LMF1: variants seen among roughly 807,000 people sequenced by gnomAD.
LMF1 encodes the protein lipase maturation factor 1.
Under a neutral mutation model 60.6 loss-of-function variants are expected in LMF1, and 68 were observed. The ratio of observed to expected loss-of-function variants is 1.12; its 90% CI spans 0.92 to 1.37. The LOEUF (loss-of-function observed/expected upper bound fraction) is 1.37. LMF1 is among the 40% of genes most tolerant of loss of function. The pLI, the probability that LMF1 is intolerant of heterozygous loss-of-function variation, is 0.00. For synonymous variants in LMF1, 418 were observed against 324.7 expected, an observed-to-expected ratio of 1.29 and a Z score of -3.09; for missense variants, 948 against 767.2, an observed-to-expected ratio of 1.24 and a Z score of -2.78.
At chr16:888,502 GGAGA>G (rs1354023597) in intron 5 of LMF1, among the ~76,000 whole-genome samples, 3 of 151,968 alleles carry the variant, frequency 2.0e-5, no homozygotes, top group African/African-American at 7.3e-5. Flanking sequence ...AAACCCAAGT[GGAGA>G]GAGAGGACAG....
chr16:898,096 T>C (rs1243403709), intron 4 of LMF1, among the ~76,000 whole-genome samples: 1 of 152,206 alleles, frequency 6.6e-6, no homozygotes, highest in Non-Finnish European at 1.5e-5. Context: ...AGGGTCTCCA[T>C]GGCTCCTGAT....
At chr16:880,253 C>T (rs796502740) in intron 5 of LMF1, among the ~76,000 whole-genome samples, 24 of 151,744 alleles carry the variant, frequency 1.6e-4, no homozygotes, top group African/African-American at 4.9e-4. Flanking sequence ...AGGCTCTAAG[C>T]GCAAGACCTG....
chr16:876,117 C>A (rs1767065349), intron 6 of LMF1, among the ~76,000 whole-genome samples: 1 of 152,276 alleles, frequency 6.6e-6, no homozygotes, highest in African/African-American at 2.4e-5. Flanking sequence ...GGGGCTCCGT[C>A]TGTTGCCCTT....
In LMF1 at chr16:964,321, GA is replaced by G. The variant is rs972513501; in HGVS notation, c.193+6466del. ...AAAAAAAAAAAAAAAAAAAGAATCAGAAAAAAAAAATCAGCTTTCTCTTTTC... is the reference window on the plus strand; with the variant it reads ...AAAAAAAAAAAAAAAAAAAGAATCAGAAAAAAAAATCAGCTTTCTCTTTTC... On this transcript the variant is annotated intron_variant, in intron 1 of 10. Transcript: ENST00000262301. Among the ~76,000 whole-genome samples the G allele has an allele frequency of 1.3e-4, 18 of 143,158 alleles. No individual in the cohort carries two copies. In the East Asian group the frequency reaches 2.0e-3, roughly 16 times the overall value. The allele number at this position is 143,158 out of a possible 152,430, so 93.9% of individuals were successfully genotyped here. A position where few individuals can be genotyped will look rare whatever the true frequency, so the allele number is the denominator to read the frequency against.
At chr16:952,422 C>T (rs1271717857) in intron 2 of LMF1, among the ~76,000 whole-genome samples, 1 of 152,054 alleles carries the variant, frequency 6.6e-6, no homozygotes, top group African/African-American at 2.4e-5. Context: ...GACCAGGGAA[C>T]ACCGGAGCCA....
intron 3 of LMF1, among the ~76,000 whole-genome samples, chr16:912,154 T>C (rs12600110): frequency 0.51 from 77,012 of 152,070 alleles, 22,157 homozygotes; most frequent in African/African-American, 0.79. Flanking sequence ...AACGATCACA[T>C]GACTCACACC....
At chr16:889,582 C>T (rs1328949172) in intron 5 of LMF1, among the ~76,000 whole-genome samples, 3 of 152,176 alleles carry the variant, frequency 2.0e-5, no homozygotes, top group Non-Finnish European at 4.4e-5. Flanking sequence ...GCGTCCCCTA[C>T]AGCATAGGGG....
chr16:862,202 G>A lies in LMF1; in HGVS notation c.1529+6742C>T, dbSNP rs1489875940. 8.0e-5 allele frequency among the ~76,000 whole-genome samples: 12 copies of A among 149,676 alleles called. No homozygotes were observed. The East Asian group carries it at 2.3e-3, about 29-fold the overall frequency. ...ATTTTTTTTTTTTTTTTGAGGCAGAGTCTCACTCTGTTGCCGAGGCTGGAG... is the reference window on the plus strand; with the variant it reads ...ATTTTTTTTTTTTTTTTGAGGCAGAATCTCACTCTGTTGCCGAGGCTGGAG... On this transcript the variant is annotated intron_variant, in intron 10 of 10. Transcript: ENST00000262301.
At chr16:955,938 C>T (rs1242085654) in intron 1 of LMF1, among the ~76,000 whole-genome samples, 2 of 151,012 alleles carry the variant, frequency 1.3e-5, no homozygotes, top group African/African-American at 2.4e-5. Flanking sequence ...CGTCTCACGG[C>T]GCCCACCCCA....
chr16:947,923 C>CAGCCAATGACAGAGTCAG (rs1567294252), intron 2 of LMF1, among the ~76,000 whole-genome samples: 8 of 112,964 alleles, frequency 7.1e-5, no homozygotes, highest in South Asian at 3.3e-4. Context: ...ACGACAGAGT[C>CAGCCAATGACAGAGTCAG]AGCCAACGAC....
chr16:856,085 A>G (rs1567129736), intron 10 of LMF1: 1 of 402,630 alleles, frequency 2.5e-6, no homozygotes, highest in East Asian at 7.1e-5. Flanking sequence ...AGCAGCTCCA[A>G]GAGGAGTGGG....
chr16:951,329 C>G (rs1384984680), intron 2 of LMF1, among the ~76,000 whole-genome samples: 1 of 152,150 alleles, frequency 6.6e-6, no homozygotes, highest in Non-Finnish European at 1.5e-5. Flanking sequence ...GAGACAACGA[C>G]AAAGTCAGAG....
intron 2 of LMF1, among the ~76,000 whole-genome samples, chr16:936,958 G>C (rs993058637): frequency 9.2e-5 from 14 of 152,138 alleles, no homozygotes; most frequent in African/African-American, 3.1e-4. Context: ...CGACAGGGCG[G>C]GAGATCCTAG....
At chr16:923,020 GCGAAGGCCC>G (rs2071485607) in intron 3 of LMF1, among the ~76,000 whole-genome samples, 1 of 126,476 alleles carries the variant, frequency 7.9e-6, no homozygotes, top group South Asian at 3.3e-4. Context: ...TCGTGTTGTT[GCGAAGGCCC>G]TGTGTGAAGG....
chr16:914,572 T>TCCCCATGACCATTGGTGACACA (rs2071220905), intron 3 of LMF1, among the ~76,000 whole-genome samples: 1 of 3,530 alleles, frequency 2.8e-4, no homozygotes, highest in African/African-American at 1.0e-3. Flanking sequence ...ACACTCCCTC[T>TCCCCATGACCATTGGTGACACA]TTCCCTCCCT....
Position 927,356 on chromosome 16 carries a change from T to C in LMF1, c.514+6888A>G, listed in dbSNP as rs115190739. On this transcript the variant is annotated intron_variant, in intron 3 of 10. Coordinates refer to ENST00000262301, the MANE Select transcript of LMF1 (RefSeq NM_022773.4). Reference sequence around the variant, plus strand: ...CCAGGTGACAGGGAAGGGCTCTGCCTCCCGGTTTGAGGGAACCCTCTGGAA... The same window carrying C: ...CCAGGTGACAGGGAAGGGCTCTGCCCCCCGGTTTGAGGGAACCCTCTGGAA... 5.7e-3 allele frequency among the ~76,000 whole-genome samples: 866 copies of C among 152,292 alleles called. 7 individuals carry two copies. Among genetic ancestry groups the C allele is most frequent in the African/African-American group, 0.019 (801 of 41,572 alleles).
chr16:894,030 C>T (rs62013779), intron 4 of LMF1, among the ~76,000 whole-genome samples: 51,077 of 138,238 alleles, frequency 0.37, 10,544 homozygotes, highest in African/African-American at 0.53. Flanking sequence ...TCCACCGGGC[C>T]GTCTGCCCAC....
rs936069336 is a variant in LMF1 at position 945,012 on chromosome 16, G to A, written c.503+9345C>T. Among the ~76,000 whole-genome samples the A allele has an allele frequency of 1.6e-4, 24 of 151,420 alleles. No individual in the cohort carries two copies. The East Asian group carries it at 1.8e-3, about 11-fold the overall frequency. ...GTGGATCACTGGAGGTCAGGAGTTC[G>A]AGACCAGCCTGACCATGGTGAAACC... On this transcript the variant is annotated intron_variant, in intron 2 of 10. Coordinates refer to ENST00000262301, the MANE Select transcript of LMF1 (RefSeq NM_022773.4).
intron 4 of LMF1, among the ~76,000 whole-genome samples, chr16:908,723 C>A (rs141084040): frequency 6.6e-6 from 1 of 152,228 alleles, no homozygotes; most frequent in African/African-American, 2.4e-5. Context: ...GGAGCCAGCC[C>A]GCAGGGTTCA....
Sources: gnomAD v4.1 joint callset for allele counts (sites outside exome capture counted in the v4.1 genomes callset) on GRCh38, gnomAD v4.1.1 for gene constraint, MANE v1.5 for transcripts, NCBI Gene and HGNC (gene_info 2026-07-23, HGNC 2026-07-21) for gene names.